NFATC3: variants seen among roughly 807,000 people sequenced by gnomAD.
NFATC3 encodes the protein nuclear factor of activated T-cells, cytoplasmic 3.
In NFATC3, 46 loss-of-function variants were observed where a neutral mutation model predicts 98.6. The observed-to-expected ratio is 0.47, with a 90% CI of 0.37 to 0.60. The LOEUF (loss-of-function observed/expected upper bound fraction) is 0.60. Among genes scored for constraint, NFATC3 ranks in the 20% least tolerant of loss-of-function variants. NFATC3 has a pLI of 0.00. For synonymous variants in NFATC3, 512 were observed against 472.2 expected (o/e 1.08, Z -1.09); for missense variants, 1,256 against 1,295.5 (o/e 0.97, Z 0.47).
chr16:68,222,670 T>C (rs1359608141), intron 9 of NFATC3, among the ~76,000 whole-genome samples: 4 of 152,230 alleles, frequency 2.6e-5, no homozygotes, highest in Admixed American at 1.3e-4. Context: ...TTCACTGTGC[T>C]TGTTCTAAAT....
intron 1 of NFATC3, chr16:68,089,254 C>T (rs2034570786): frequency 4.1e-6 from 4 of 985,226 alleles, no homozygotes; most frequent in Admixed American, 6.2e-5. Context: ...AGTGAATGTC[C>T]TAAGCAAGCT....
chr16:68,139,040 A>G (rs1262977180), intron 3 of NFATC3, among the ~76,000 whole-genome samples: 1 of 152,218 alleles, frequency 6.6e-6, no homozygotes, highest in Non-Finnish European at 1.5e-5. Flanking sequence ...ACAGTATTGT[A>G]GGTGCTAGGG....
chr16:68,216,013 C>G (rs2041625022), intron 9 of NFATC3, among the ~76,000 whole-genome samples: 1 of 152,062 alleles, frequency 6.6e-6, no homozygotes, highest in Non-Finnish European at 1.5e-5. Flanking sequence ...CAGGCATGAG[C>G]CACCGCGCTG....
intron 8 of NFATC3, among the ~76,000 whole-genome samples, chr16:68,186,335 A>G (rs1433693683): frequency 6.6e-6 from 1 of 152,086 alleles, no homozygotes; most frequent in Non-Finnish European, 1.5e-5. Context: ...CAGGAGATCA[A>G]GATCATCCTG....
chr16:68,178,341 T>A lies in NFATC3; in HGVS notation c.1916-3134T>A, dbSNP rs1485737863. Among the ~76,000 whole-genome samples the A allele has an allele frequency of 2.6e-5, 4 of 152,324 alleles. No individual in the cohort carries two copies. The East Asian group carries it at 7.7e-4, about 29-fold the overall frequency. ...GAGCTGGAAGTATGTGGCTGTCTTA[T>A]TCTCCTTTAAAATTAACTTCCCTTC... On this transcript the variant is annotated intron_variant, in intron 6 of 9. Coordinates refer to ENST00000346183, the MANE Select transcript of NFATC3 (RefSeq NM_173165.3).
chr16:68,119,122 C>G (rs1234106297), intron 1 of NFATC3, among the ~76,000 whole-genome samples: 1 of 152,136 alleles, frequency 6.6e-6, no homozygotes, highest in Non-Finnish European at 1.5e-5. Context: ...CCGCCTCGGC[C>G]TCTCAAAGTG....
At chr16:68,221,110 T>G in intron 9 of NFATC3, 1 of 1,445,118 alleles carries the variant, frequency 6.9e-7, no homozygotes, top group South Asian at 1.2e-5. Flanking sequence ...ACTTGAAAAA[T>G]TAAATTGCAA....
intron 8 of NFATC3, among the ~76,000 whole-genome samples, chr16:68,186,458 T>C (rs1250152776): frequency 6.6e-6 from 1 of 152,124 alleles, no homozygotes; most frequent in Admixed American, 6.5e-5. Context: ...GAGAATGGCG[T>C]GAACCCAGGA....
chr16:68,188,180 A>G (rs2040288714), intron 8 of NFATC3, among the ~76,000 whole-genome samples: 1 of 152,186 alleles, frequency 6.6e-6, no homozygotes, highest in African/African-American at 2.4e-5. Context: ...CACCAGGAGC[A>G]GGGAGGGGCC....
At chr16:68,219,010 G>A (rs897884163) in intron 9 of NFATC3, among the ~76,000 whole-genome samples, 1 of 152,168 alleles carries the variant, frequency 6.6e-6, no homozygotes. Flanking sequence ...AGGCCGAGGC[G>A]AGGTAGAAGG....
At chr16:68,124,982 C>T (rs1306971246) in intron 2 of NFATC3, among the ~76,000 whole-genome samples, 7 of 152,070 alleles carry the variant, frequency 4.6e-5, no homozygotes, top group Non-Finnish European at 7.4e-5. Context: ...CTGCCCGCCT[C>T]GGCCTCCCAA....
intron 5 of NFATC3, among the ~76,000 whole-genome samples, chr16:68,174,135 A>T (rs1048910078): frequency 6.6e-6 from 1 of 152,226 alleles, no homozygotes; most frequent in African/African-American, 2.4e-5. Flanking sequence ...CAACAGAGTG[A>T]GACCCTTTCT....
chr16:68,209,055 T>C (rs1039773918), intron 9 of NFATC3, among the ~76,000 whole-genome samples: 1 of 152,186 alleles, frequency 6.6e-6, no homozygotes, highest in Non-Finnish European at 1.5e-5. Context: ...AGAGTGGGCA[T>C]CTTTGCTTTG....
At chr16:68,098,302 T>TA (rs199707898) in intron 1 of NFATC3, among the ~76,000 whole-genome samples, 1,338 of 119,310 alleles carry the variant, frequency 0.011, 9 homozygotes, top group African/African-American at 0.03. Flanking sequence ...TTATTATTAT[T>TA]TTTTTTTTTT....
chr16:68,192,668 G>C (rs2040495629), intron 9 of NFATC3, among the ~76,000 whole-genome samples: 1 of 152,054 alleles, frequency 6.6e-6, no homozygotes, highest in African/African-American at 2.4e-5. Context: ...AGACCAGCCT[G>C]AGCAACATGG....
chr16:68,093,680 TAG>T (rs2034853457), intron 1 of NFATC3, among the ~76,000 whole-genome samples: 1 of 152,204 alleles, frequency 6.6e-6, no homozygotes. Flanking sequence ...CATGATAACC[TAG>T]AGAGAGGTAT....
At chr16:68,178,645 A>C (rs1214775867) in intron 6 of NFATC3, among the ~76,000 whole-genome samples, 1 of 152,236 alleles carries the variant, frequency 6.6e-6, no homozygotes, top group African/African-American at 2.4e-5. Flanking sequence ...TGTTTGTATC[A>C]AGTCATCAAG....
chr16:68,200,184 T>A (rs1177989136), intron 9 of NFATC3: 1 of 151,934 alleles, frequency 6.6e-6, no homozygotes, highest in Non-Finnish European at 1.5e-5. Context: ...AATGCAAATT[T>A]CCTTCTGCTT....
intron 8 of NFATC3, among the ~76,000 whole-genome samples, chr16:68,186,262 A>G (rs1440921386): frequency 6.6e-6 from 1 of 152,100 alleles, no homozygotes; most frequent in Non-Finnish European, 1.5e-5. Context: ...AAAACATTCA[A>G]ATTCTTGGCC....
Sources: allele counts gnomAD v4.1 joint callset (sites outside exome capture counted in the v4.1 genomes callset), GRCh38; gene constraint gnomAD v4.1.1; transcripts MANE v1.5; gene names NCBI Gene and HGNC (gene_info 2026-07-23, HGNC 2026-07-21).